OTULINL: variants seen among roughly 807,000 people sequenced by gnomAD.
OTULINL encodes inactive ubiquitin thioesterase OTULINL.
In OTULINL, 42 loss-of-function variants were observed where a neutral mutation model predicts 43.9. That is an observed-to-expected ratio of 0.96 (90% CI 0.75 to 1.24). The LOEUF is 1.24. Ranked by LOEUF, OTULINL falls within the 50% of genes most tolerant of loss-of-function variation. The probability of loss-of-function intolerance (pLI) is 0.00; values close to 1 mark genes in which losing one functional copy is unlikely to be tolerated. For synonymous variants in OTULINL, 172 were observed against 153.6 expected, an observed-to-expected ratio of 1.12 and a Z score of -0.88; for missense variants, 411 against 426.4, an observed-to-expected ratio of 0.96 and a Z score of 0.32.
Position 14,607,546 on chromosome 5 carries a change from C to T in OTULINL, c.627+88C>T, listed in dbSNP as rs1243554487. On this transcript the variant is annotated intron_variant, in intron 6 of 7. Coordinates refer to ENST00000274217, the MANE Select transcript of OTULINL (RefSeq NM_019018.3). ...GTTTTCTCTGATGTCAGGGACATTG[C>T]TTCATGTTAGGAAAGTAAGAAGTGC... 3.2e-5 allele frequency: 49 copies of T among 1,511,072 alleles called. No individual in the cohort carries two copies. In the East Asian group the frequency reaches 1.1e-3, roughly 35 times the overall value. 93.6% of individuals were successfully genotyped at this position (1,511,072 alleles called of 1,614,324 possible). A position where few individuals can be genotyped will look rare whatever the true frequency, so the allele number is the denominator to read the frequency against.
At chr5:14,586,887 AAG>A (rs1377099293) in intron 1 of OTULINL, among the ~76,000 whole-genome samples, 1 of 152,036 alleles carries the variant, frequency 6.6e-6, no homozygotes, top group Non-Finnish European at 1.5e-5. Context: ...AAAAAAAAAA[AAG>A]AAGCATACCT....
intron 1 of OTULINL, among the ~76,000 whole-genome samples, chr5:14,592,125 G>T (rs1044139749): frequency 1.3e-5 from 2 of 152,104 alleles, no homozygotes; most frequent in African/African-American, 2.4e-5. Context: ...CCCTGATGTA[G>T]AATGAAGAAT....
intron 5 of OTULINL, among the ~76,000 whole-genome samples, chr5:14,606,602 GAAGTT>G (rs943783883): frequency 6.6e-5 from 10 of 152,310 alleles, no homozygotes; most frequent in African/African-American, 2.2e-4. Flanking sequence ...ATGAGGCTAA[GAAGTT>G]AAGTAATCCA....
chr5:14,609,594 A>T (rs1242845820), intron 7 of OTULINL, among the ~76,000 whole-genome samples: 1 of 148,354 alleles, frequency 6.7e-6, no homozygotes, highest in African/African-American at 2.5e-5. Context: ...TTTTTCACTA[A>T]TTTTTTTCAA....
chr5:14,581,826 G>A lies in OTULINL; in HGVS notation c.-69G>A. 1 of 1,249,078 alleles carries A rather than the reference G, an allele frequency of 8.0e-7. No homozygotes were observed. Among genetic ancestry groups the A allele is most frequent in the Non-Finnish European group, 1.0e-6 (1 of 983,416 alleles). 77.4% of individuals were successfully genotyped at this position (1,249,078 alleles called of 1,614,324 possible). A position where few individuals can be genotyped will look rare whatever the true frequency, so the allele number is the denominator to read the frequency against. ...AAGCGAGCCCGGGCGCCGGCGGGCG[G>A]CCGTCGCGTCTGACAGACCACTGCA... is the stretch of plus-strand genomic sequence containing the variant. On this transcript the variant is annotated 5_prime_UTR_variant, in exon 1 of 8. Coordinates refer to ENST00000274217, the MANE Select transcript of OTULINL (RefSeq NM_019018.3).
At chr5:14,607,178 C>T (rs775061349) in intron 5 of OTULINL, 152 bp from the exon 6 acceptor site, 59 of 764,446 alleles carry the variant, frequency 7.7e-5, no homozygotes, top group Non-Finnish European at 1.1e-4. Context: ...TGCAGTAAGC[C>T]GAGATCACGC....
intron 7 of OTULINL, among the ~76,000 whole-genome samples, chr5:14,609,265 G>A (rs10075214): frequency 0.013 from 1,996 of 152,272 alleles, 51 homozygotes; most frequent in African/African-American, 0.045. Flanking sequence ...GACCTCTCAC[G>A]CTGCTTCCCA....
intron 5 of OTULINL, among the ~76,000 whole-genome samples, chr5:14,603,496 T>C (rs1325647418): frequency 6.6e-6 from 1 of 152,222 alleles, no homozygotes; most frequent in Non-Finnish European, 1.5e-5. Context: ...GCACTTGATA[T>C]TGTCAGGTTT....
At chr5:14,593,946 T>C (rs536214498) in intron 1 of OTULINL, among the ~76,000 whole-genome samples, 4 of 152,358 alleles carry the variant, frequency 2.6e-5, no homozygotes, top group African/African-American at 9.6e-5. Context: ...GATAAAATCC[T>C]CCCACTTGGT....
At chr5:14,586,950 C>A (rs1031225492) in intron 1 of OTULINL, among the ~76,000 whole-genome samples, 2 of 151,706 alleles carry the variant, frequency 1.3e-5, no homozygotes, top group African/African-American at 4.8e-5. Context: ...TCTTTCTAGG[C>A]TTGGGACAGC....
intron 6 of OTULINL, among the ~76,000 whole-genome samples, 198 bp from the exon 7 acceptor site, chr5:14,608,550 G>A (rs1759518807): frequency 6.6e-6 from 1 of 152,118 alleles, no homozygotes; most frequent in South Asian, 2.1e-4. Context: ...GGAAGTTGAG[G>A]GAGACATGTT....
rs77868456 is a variant in OTULINL, at chr5:14,585,286, A to G, written c.64+3328A>G. ...TTGAGGGCTGTGGGGGAAAAAAAGC[A>G]TTGCAGTTAAAGGCACCCACAATAG... On this transcript the variant is annotated intron_variant, in intron 1 of 7. Transcript: ENST00000274217. Among the ~76,000 whole-genome samples, 490 of 152,190 alleles carry G rather than the reference A, an allele frequency of 3.2e-3. 2 individuals carry two copies. Among genetic ancestry groups the G allele is most frequent in the African/African-American group, 0.011 (463 of 41,510 alleles).
chr5:14,607,442 A>G lies in OTULINL; in HGVS notation c.611A>G (p.Glu204Gly), dbSNP rs779233216. 1 of 1,614,032 alleles carries G rather than the reference A, an allele frequency of 6.2e-7. No individual in the cohort carries two copies. ...NVFGKLRKYV[E>G]LLKTQWTEFN... ...TTTGGAAAACTACGGAAATATGTGG[A>G]ATTATTGAAAACACAGGTAAGTGTT... is the stretch of plus-strand genomic sequence containing the variant. Residue 204 changes from glutamate to glycine, a missense_variant, in exon 6 of 8, where the codon GAA becomes GGA. Physicochemically the swap from Glu to Gly is moderately conservative, Grantham distance 98 (BLOSUM62 -2). Transcript: ENST00000274217.
Position 14,608,931 on chromosome 5 carries a change from C to T in OTULINL, c.811C>T (p.Leu271=), listed in dbSNP as rs1025998842. Residue 271 remains leucine, a synonymous_variant, in exon 7 of 8, where the codon CTG becomes TTG. Coordinates refer to ENST00000274217, the MANE Select transcript of OTULINL (RefSeq NM_019018.3). ...KKVIPSLFRL[L]FSRETSSDPL... ...GGTCATTCCCAGTCTTTTTAGACTC[C>T]TGTTTTCCAGGGAGACATCCTCTGA... The T allele has an allele frequency of 6.2e-7, 1 of 1,614,124 alleles. No individual in the cohort carries two copies. Among genetic ancestry groups the T allele is most frequent in the Non-Finnish European group, 8.5e-7 (1 of 1,179,988 alleles).
rs973844324 is a variant in OTULINL at position 14,612,238 on chromosome 5, A to C, written c.*1924A>C. The C allele has an allele frequency of 1.3e-5, 2 of 152,218 alleles. No homozygotes were observed. Among genetic ancestry groups the C allele is most frequent in the African/African-American group, 4.8e-5 (2 of 41,452 alleles). The allele number at this position is 152,218 out of a possible 1,614,324, so 9.4% of individuals were successfully genotyped here. A position where few individuals can be genotyped will look rare whatever the true frequency, so the allele number is the denominator to read the frequency against. Reference sequence around the variant, plus strand: ...GGCTGCTGTGGCTGATACTTATAGAATTGTTGCTCCAAAATTTTGGCTCCA... The same window carrying C: ...GGCTGCTGTGGCTGATACTTATAGACTTGTTGCTCCAAAATTTTGGCTCCA... On this transcript the variant is annotated 3_prime_UTR_variant, in exon 8 of 8. Coordinates refer to ENST00000274217, the MANE Select transcript of OTULINL (RefSeq NM_019018.3).
chr5:14,589,655 A>G (rs1478622386), intron 1 of OTULINL, among the ~76,000 whole-genome samples: 1 of 152,136 alleles, frequency 6.6e-6, no homozygotes, highest in Non-Finnish European at 1.5e-5. Context: ...TTCTTTATTA[A>G]TTTCAGAGAA....
At chr5:14,596,527 G>C (rs1759290913) in intron 1 of OTULINL, among the ~76,000 whole-genome samples, 1 of 152,110 alleles carries the variant, frequency 6.6e-6, no homozygotes, top group Non-Finnish European at 1.5e-5. Flanking sequence ...TCAGTTATTA[G>C]CCCAGGAAGG....
chr5:14,595,666 T>A (rs3853118), intron 1 of OTULINL, among the ~76,000 whole-genome samples: 1 of 126,416 alleles, frequency 7.9e-6, no homozygotes, highest in African/African-American at 3.0e-5. Flanking sequence ...TTTTTTTTTT[T>A]TGTGTAGTTC....
rs541031085 is a variant in OTULINL, at chr5:14,599,477, G to A, written c.65-1488G>A. Among the ~76,000 whole-genome samples, 207 of 150,084 alleles carry A rather than the reference G, an allele frequency of 1.4e-3. 1 individual carries two copies. Among genetic ancestry groups the A allele is most frequent in the African/African-American group, 4.6e-3 (186 of 40,834 alleles). ...CTACTCCATCCTGGGCAACAAGAAC[G>A]AGATTTCATCTCAAAAAAAAAAAAA... On this transcript the variant is annotated intron_variant, in intron 1 of 7. Coordinates refer to ENST00000274217, the MANE Select transcript of OTULINL (RefSeq NM_019018.3).
Sources: allele counts gnomAD v4.1 joint callset (sites outside exome capture counted in the v4.1 genomes callset), GRCh38; gene constraint gnomAD v4.1.1; transcripts MANE v1.5; gene names NCBI Gene and HGNC (gene_info 2026-07-23, HGNC 2026-07-21).